The following CREBRF variants were observed in gnomAD, a reference collection of about 807,000 sequenced individuals.
CREBRF encodes UPF0474 protein C5orf41.
In CREBRF, 5 loss-of-function variants were observed where a neutral mutation model predicts 66.1. That is an observed-to-expected ratio of 0.08 (90% CI 0.04 to 0.16). CREBRF has a LOEUF of 0.16. Among genes scored for constraint, CREBRF ranks in the 10% least tolerant of loss-of-function variants. The pLI is 1.00. For synonymous variants in CREBRF, 229 were observed against 264.4 expected (o/e 0.87, Z 1.30); for missense variants, 531 against 744.9 (o/e 0.71, Z 3.34).
At chr5:173,085,793 A>T in intron 2 of CREBRF, 1 of 777,768 alleles carries the variant, frequency 1.3e-6, no homozygotes, top group Non-Finnish European at 2.4e-6. Context: ...GTCATGGGTC[A>T]GCTTTTTAGC....
intron 1 of CREBRF, among the ~76,000 whole-genome samples, chr5:173,068,392 A>G (rs1029958029): frequency 6.6e-6 from 1 of 152,198 alleles, no homozygotes; most frequent in African/African-American, 2.4e-5. Flanking sequence ...AAACTATGCA[A>G]GGTGTTACAG....
At chr5:173,071,924 A>G (rs1235316810) in intron 1 of CREBRF, among the ~76,000 whole-genome samples, 1 of 151,662 alleles carries the variant, frequency 6.6e-6, no homozygotes, top group African/African-American at 2.4e-5. Flanking sequence ...GCATGGTGGC[A>G]TGTGCCTGTA....
intron 4 of CREBRF, among the ~76,000 whole-genome samples, chr5:173,095,090 G>A (rs1056418505): frequency 6.6e-6 from 1 of 151,300 alleles, no homozygotes; most frequent in Non-Finnish European, 1.5e-5. Context: ...TTAATTAATT[G>A]GACATAATGT....
At chr5:173,120,278 G>A (rs543903813) in intron 7 of CREBRF, among the ~76,000 whole-genome samples, 2 of 151,764 alleles carry the variant, frequency 1.3e-5, no homozygotes, top group South Asian at 4.2e-4. Flanking sequence ...AACCTTCTGG[G>A]TTCTTTTTTT....
In CREBRF at chr5:173,090,697, C is replaced by T; in HGVS notation, c.518C>T (p.Pro173Leu). 1 of 1,614,128 alleles carries T rather than the reference C, an allele frequency of 6.2e-7. No homozygotes were observed. The highest frequency in any genetic ancestry group is 8.5e-7 in the Non-Finnish European group (1 of 1,180,018). ...VKQNPLPSSFPGKKITSRAAA... is the reference protein window; with the variant it reads ...VKQNPLPSSFLGKKITSRAAA... ...CAAAATCCCTTACCCTCTTCATTCCCTGGTAAAAAGATCACAAGCAGAGCA... is the reference window on the plus strand; with the variant it reads ...CAAAATCCCTTACCCTCTTCATTCCTTGGTAAAAAGATCACAAGCAGAGCA... The change falls in exon 4 of 9, where the codon CCT becomes CTT. Residue 173 changes from proline to leucine, a missense_variant. Physicochemically the swap from Pro to Leu is moderately conservative, Grantham distance 98. Around this residue, in one of 5 missense-constraint regions of CREBRF, gnomAD observed 133 missense variants for 215.6 expected, o/e 0.62. Transcript: ENST00000296953. The surrounding 1 kb of genome is among the most constrained non-coding windows in gnomAD (Gnocchi z 4.5).
chr5:173,097,211 A>G (rs1300873196), intron 4 of CREBRF, among the ~76,000 whole-genome samples: 1 of 152,212 alleles, frequency 6.6e-6, no homozygotes, highest in Non-Finnish European at 1.5e-5. Context: ...GGTAGAATTT[A>G]CTAGTGAAGT....
chr5:173,093,021 TTA>T (rs1417799775), intron 4 of CREBRF, among the ~76,000 whole-genome samples: 1 of 152,144 alleles, frequency 6.6e-6, no homozygotes, highest in Non-Finnish European at 1.5e-5. Context: ...TAGGGGTAAT[TTA>T]TATAACTCCC....
chr5:173,059,543 C>T (rs190340865), intron 1 of CREBRF, among the ~76,000 whole-genome samples: 304 of 152,164 alleles, frequency 2.0e-3, no homozygotes, highest in Non-Finnish European at 3.5e-3. Flanking sequence ...GGATTACAGG[C>T]GTGAGCCACC....
intron 6 of CREBRF, 45 bp downstream of exon 6, chr5:173,110,756 T>C: frequency 6.7e-7 from 1 of 1,484,818 alleles, no homozygotes; most frequent in Non-Finnish European, 9.2e-7. Context: ...GTTTAGGAGG[T>C]GAGGTTAGTC....
At chr5:173,080,331 G>A (rs1261089826) in intron 1 of CREBRF, among the ~76,000 whole-genome samples, 11 of 147,128 alleles carry the variant, frequency 7.5e-5, no homozygotes, top group Non-Finnish European at 1.0e-4. Flanking sequence ...TGTTAATTTT[G>A]TGTTTTTTTT....
rs1441162700 is a variant in CREBRF at position 173,132,878 on chromosome 5, G to A, written c.1805-752G>A. On this transcript the variant is annotated intron_variant, in intron 8 of 8. Transcript: ENST00000296953. Reference sequence around the variant, plus strand: ...GTGATCCGCCAACCTCAGGTGATCCGCCTGCCTCAGCCTCCCAAAGTGCTA... The same window carrying A: ...GTGATCCGCCAACCTCAGGTGATCCACCTGCCTCAGCCTCCCAAAGTGCTA... Among the ~76,000 whole-genome samples, 12 of 151,316 alleles carry A rather than the reference G, an allele frequency of 7.9e-5. 2 individuals are homozygous for A. Among genetic ancestry groups the A allele is most frequent in the Admixed American group, 2.6e-4 (4 of 15,168 alleles).
Position 173,134,322 on chromosome 5 carries a change from GAA to G in CREBRF, c.*585_*586del. 9.0e-6 allele frequency: 2 copies of G among 223,388 alleles called. No homozygotes were observed. Among genetic ancestry groups the G allele is most frequent in the Non-Finnish European group, 1.8e-5 (2 of 112,958 alleles). 13.8% of individuals were successfully genotyped at this position (223,388 alleles called of 1,614,324 possible). A position where few individuals can be genotyped will look rare whatever the true frequency, so the allele number is the denominator to read the frequency against. ...CACACACAAATGTCTGTGCAAGTAAGAAAAAAAAAGCATATTCTTTGTGCCTT... is the reference window on the plus strand; with the variant it reads ...CACACACAAATGTCTGTGCAAGTAAGAAAAAAAGCATATTCTTTGTGCCTT... On this transcript the variant is annotated 3_prime_UTR_variant, in exon 9 of 9. Transcript: ENST00000296953.
At chr5:173,121,134 C>T (rs562408640) in intron 7 of CREBRF, among the ~76,000 whole-genome samples, 6 of 152,168 alleles carry the variant, frequency 3.9e-5, no homozygotes, top group African/African-American at 9.6e-5. Context: ...ACACCTTTTT[C>T]GTTACTGATA....
intron 7 of CREBRF, among the ~76,000 whole-genome samples, chr5:173,113,739 A>G (rs893204593): frequency 6.6e-5 from 10 of 152,218 alleles, no homozygotes; most frequent in Admixed American, 6.5e-4. Flanking sequence ...GCATCACGGA[A>G]TATAACAAGA....
intron 1 of CREBRF, among the ~76,000 whole-genome samples, chr5:173,066,052 A>G (rs1179768795): frequency 1.3e-5 from 2 of 152,024 alleles, no homozygotes; most frequent in African/African-American, 4.8e-5. Context: ...TCCCGGTGTC[A>G]AACAATCCCA....
intron 1 of CREBRF, among the ~76,000 whole-genome samples, chr5:173,071,360 A>G (rs958124744): frequency 6.6e-6 from 1 of 152,010 alleles, no homozygotes; most frequent in Non-Finnish European, 1.5e-5. Flanking sequence ...TACAGGTGTG[A>G]GCCACCACGC....
intron 4 of CREBRF, among the ~76,000 whole-genome samples, chr5:173,106,150 C>T (rs995994163): frequency 1.3e-5 from 2 of 151,962 alleles, no homozygotes; most frequent in African/African-American, 4.8e-5. Context: ...GCCTAAGGGG[C>T]CAGGTGCGGT....
At chr5:173,061,565 A>C (rs1472089061) in intron 1 of CREBRF, among the ~76,000 whole-genome samples, 1 of 152,244 alleles carries the variant, frequency 6.6e-6, no homozygotes, top group Non-Finnish European at 1.5e-5. Flanking sequence ...GAAGTTTCAA[A>C]GCACATTTAG....
At chr5:173,062,994 G>T (rs182409076) in intron 1 of CREBRF, among the ~76,000 whole-genome samples, 1 of 151,976 alleles carries the variant, frequency 6.6e-6, no homozygotes, top group African/African-American at 2.4e-5. Context: ...TGATCCGCCC[G>T]CCTCGGCCTC....
Sources: allele counts gnomAD v4.1 joint callset (sites outside exome capture counted in the v4.1 genomes callset), GRCh38; gene constraint gnomAD v4.1.1; regional missense constraint gnomAD v4.1.1; non-coding constraint Gnocchi (gnomAD v3.1); transcripts MANE v1.5; gene names NCBI Gene and HGNC (gene_info 2026-07-23, HGNC 2026-07-21).